The following PTGFR variants were observed in gnomAD, a reference collection of about 807,000 sequenced individuals.
PTGFR encodes the protein prostaglandin F receptor.
A neutral mutation model predicts 26.2 loss-of-function variants in PTGFR; 15 were observed. That is an observed-to-expected ratio of 0.57 (90% CI 0.38 to 0.88). The LOEUF (loss-of-function observed/expected upper bound fraction) is 0.88, where lower values mean the gene tolerates loss of function less well. Ranked by LOEUF, PTGFR falls within the 40% of genes least tolerant of loss-of-function variation. The pLI, the probability that PTGFR is intolerant of heterozygous loss-of-function variation, is 0.00. For missense variants in PTGFR, 369 were observed against 427.2 expected (o/e 0.86, Z 1.20); for synonymous variants, 165 against 151.1 (o/e 1.09, Z -0.68).
rs1275855575 is a variant in PTGFR at position 78,513,785 on chromosome 1, TAGG to T, written c.798+20249_798+20251del. Among the ~76,000 whole-genome samples, 7 of 150,766 alleles carry T rather than the reference TAGG, an allele frequency of 4.6e-5. No homozygotes were observed. In the East Asian group the frequency reaches 1.2e-3, roughly 26 times the overall value. ...CCCTCTCATCACAGGCCCAGAGACCTAGGAGGACCTCCACAGCCTTGCAATGCT... is the reference window on the plus strand; with the variant it reads ...CCCTCTCATCACAGGCCCAGAGACCTAGGACCTCCACAGCCTTGCAATGCT... On this transcript the variant is annotated intron_variant, in intron 2 of 2. Coordinates refer to ENST00000370757, the MANE Select transcript of PTGFR (RefSeq NM_000959.4).
rs1017217237 is a variant in PTGFR, at chr1:78,491,128, G to T, written c.-181G>T. 1.3e-5 allele frequency: 2 copies of T among 152,312 alleles called. No individual in the cohort carries two copies. Among genetic ancestry groups the T allele is most frequent in the Non-Finnish European group, 2.9e-5 (2 of 68,100 alleles). 9.4% of individuals were successfully genotyped at this position (152,312 alleles called of 1,614,324 possible). A position where few individuals can be genotyped will look rare whatever the true frequency, so the allele number is the denominator to read the frequency against. ...GCCGGCGCCCGATCAGGATCTCCGC[G>T]CTGGGATCGGTGGAACTTGAGGCAG... On this transcript the variant is annotated 5_prime_UTR_variant, in exon 1 of 3. Coordinates refer to ENST00000370757, the MANE Select transcript of PTGFR (RefSeq NM_000959.4).
At chr1:78,513,894 AG>A (rs1247234378) in intron 2 of PTGFR, among the ~76,000 whole-genome samples, 1 of 152,220 alleles carries the variant, frequency 6.6e-6, no homozygotes, top group East Asian at 1.9e-4. Context: ...CAAGTGTGTA[AG>A]CCTATGGCCT....
At chr1:78,495,439 T>G (rs1649523652) in intron 2 of PTGFR, among the ~76,000 whole-genome samples, 1 of 152,100 alleles carries the variant, frequency 6.6e-6, no homozygotes, top group South Asian at 2.1e-4. Context: ...AAAAAGTGAG[T>G]CTGAGTGAGT....
chr1:78,519,451 G>A (rs937677781), intron 2 of PTGFR, among the ~76,000 whole-genome samples: 3 of 151,986 alleles, frequency 2.0e-5, no homozygotes, highest in African/African-American at 7.3e-5. Flanking sequence ...CATAATATCT[G>A]GTAAGCATCC....
At position 78,512,213 on chromosome 1, in the gene PTGFR, T is replaced by C. The variant is rs139221990; in HGVS notation, c.798+18672T>C. 3.1e-4 allele frequency among the ~76,000 whole-genome samples: 47 copies of C among 152,360 alleles called. No individual in the cohort carries two copies. The East Asian group carries it at 8.1e-3, about 26-fold the overall frequency. On this transcript the variant is annotated intron_variant, in intron 2 of 2. Transcript: ENST00000370757. ...TCTGCCTGGTTCACAGTTCCAAAGCTGCTTCCACATCTTCAGGGATCTTTA... is the reference window on the plus strand; with the variant it reads ...TCTGCCTGGTTCACAGTTCCAAAGCCGCTTCCACATCTTCAGGGATCTTTA...
At chr1:78,496,917 A>G (rs902282748) in intron 2 of PTGFR, among the ~76,000 whole-genome samples, 2 of 131,822 alleles carry the variant, frequency 1.5e-5, no homozygotes, top group Non-Finnish European at 3.1e-5. Flanking sequence ...TATTATTAAT[A>G]TCTTGCTTTG....
In PTGFR at chr1:78,493,147, T is replaced by C. The variant is rs1333530727; in HGVS notation, c.404T>C (p.Ile135Thr). 1 of 1,614,222 alleles carries C rather than the reference T, an allele frequency of 6.2e-7. No individual in the cohort carries two copies. The highest frequency in any genetic ancestry group is 1.7e-5 in the Admixed American group (1 of 60,020). The change falls in exon 2 of 3, where the codon ATT becomes ACT. Residue 135 changes from isoleucine (I) to threonine (T), a missense_variant. Ile to Thr is a moderately conservative substitution (Grantham distance 89, BLOSUM62 -1). Coordinates refer to ENST00000370757, the MANE Select transcript of PTGFR (RefSeq NM_000959.4). Reference protein sequence around the residue: ...LGSVMAIERCIGVTKPIFHST... With the variant: ...LGSVMAIERCTGVTKPIFHST... ...AGTGTGATGGCCATTGAGCGGTGTA[T>C]TGGAGTCACAAAACCAATATTTCAT...
intron 2 of PTGFR, chr1:78,497,953 A>G: frequency 6.4e-7 from 1 of 1,564,988 alleles, no homozygotes; most frequent in South Asian, 1.1e-5. Context: ...AGGTGAGTTT[A>G]CCCAAGAAAT....
rs1650699699 is a variant in PTGFR, at chr1:78,537,976, A to G, written c.*1289A>G. ...AGGTAGTCCTGCTTTATAATAGGAA[A>G]ATGTATTTCTGTATAAGAGTTCTTT... On this transcript the variant is annotated 3_prime_UTR_variant, in exon 3 of 3. Transcript: ENST00000370757. 6.6e-6 allele frequency: 1 copy of G among 152,136 alleles called. No homozygotes were observed. Among genetic ancestry groups the G allele is most frequent in the Non-Finnish European group, 1.5e-5 (1 of 68,006 alleles). The allele number at this position is 152,136 out of a possible 1,614,324, so 9.4% of individuals were successfully genotyped here. A position where few individuals can be genotyped will look rare whatever the true frequency, so the allele number is the denominator to read the frequency against.
At position 78,537,966 on chromosome 1, in the gene PTGFR, A is replaced by C. The variant is rs1344249277; in HGVS notation, c.*1279A>C. 6.6e-6 allele frequency: 1 copy of C among 152,166 alleles called. No individual in the cohort carries two copies. Among genetic ancestry groups the C allele is most frequent in the African/African-American group, 2.4e-5 (1 of 41,442 alleles). 9.4% of individuals were successfully genotyped at this position (152,166 alleles called of 1,614,324 possible). On this transcript the variant is annotated 3_prime_UTR_variant, in exon 3 of 3. Coordinates refer to ENST00000370757, the MANE Select transcript of PTGFR (RefSeq NM_000959.4). ...AAATTAGGGAAGGTAGTCCTGCTTT[A>C]TAATAGGAAAATGTATTTCTGTATA...
At position 78,539,444 on chromosome 1, in the gene PTGFR, G is replaced by A. The variant is rs374689817; in HGVS notation, c.*2757G>A. 9 of 152,428 alleles carry A rather than the reference G, an allele frequency of 5.9e-5. No individual in the cohort carries two copies. Among genetic ancestry groups the A allele is most frequent in the African/African-American group, 2.2e-4 (9 of 41,408 alleles). The allele number at this position is 152,428 out of a possible 1,614,324, so 9.4% of individuals were successfully genotyped here. A position where few individuals can be genotyped will look rare whatever the true frequency, so the allele number is the denominator to read the frequency against. ...CAAATTAAATAACTGTTTTGGGTCA[G>A]AATATAAATGCTGGGAATATACATT... On this transcript the variant is annotated 3_prime_UTR_variant, in exon 3 of 3. Transcript: ENST00000370757.
chr1:78,511,230 T>C (rs956470898), intron 2 of PTGFR, among the ~76,000 whole-genome samples: 26 of 152,134 alleles, frequency 1.7e-4, no homozygotes, highest in African/African-American at 6.3e-4. Flanking sequence ...CCAAAACTTT[T>C]CCTCTGCACT....
chr1:78,524,249 A>G (rs1167484064), intron 2 of PTGFR, among the ~76,000 whole-genome samples: 2 of 152,052 alleles, frequency 1.3e-5, no homozygotes, highest in African/African-American at 2.4e-5. Context: ...GCACACACAT[A>G]GGGCTTGATG....
chr1:78,492,528 A>G (rs1034881681), intron 1 of PTGFR, 144 bp from the exon 2 acceptor site: 7 of 496,892 alleles, frequency 1.4e-5, no homozygotes, highest in South Asian at 4.3e-5. Flanking sequence ...GCAGGCAGAT[A>G]TGAGCTGCTT....
chr1:78,524,300 A>G (rs1225160346), intron 2 of PTGFR, among the ~76,000 whole-genome samples: 3 of 152,090 alleles, frequency 2.0e-5, no homozygotes, highest in Non-Finnish European at 2.9e-5. Context: ...AGAGTAATCC[A>G]TTTGGTATCA....
chr1:78,499,051 A>G (rs1649631838), intron 2 of PTGFR, among the ~76,000 whole-genome samples: 1 of 152,156 alleles, frequency 6.6e-6, no homozygotes, highest in South Asian at 2.1e-4. Context: ...GCTTTCTCAC[A>G]TTGGGGAAGG....
chr1:78,492,277 G>A (rs920294960), intron 1 of PTGFR, among the ~76,000 whole-genome samples: 4 of 152,230 alleles, frequency 2.6e-5, no homozygotes, highest in Non-Finnish European at 5.9e-5. Flanking sequence ...AGAGGAAAGA[G>A]AAGACACTTT....
chr1:78,516,246 G>C (rs1393436910), intron 2 of PTGFR, among the ~76,000 whole-genome samples: 2 of 152,128 alleles, frequency 1.3e-5, no homozygotes, highest in Non-Finnish European at 2.9e-5. Context: ...AAATATTTAT[G>C]ACTATGTATG....
At chr1:78,515,232 G>A (rs1189873212) in intron 2 of PTGFR, among the ~76,000 whole-genome samples, 2 of 152,080 alleles carry the variant, frequency 1.3e-5, no homozygotes, top group Non-Finnish European at 2.9e-5. Flanking sequence ...TCTTTGTGGT[G>A]GGTAGAGGAA....
Sources: gnomAD v4.1 joint callset for allele counts (sites outside exome capture counted in the v4.1 genomes callset) on GRCh38, gnomAD v4.1.1 for gene constraint, MANE v1.5 for transcripts, NCBI Gene and HGNC (gene_info 2026-07-23, HGNC 2026-07-21) for gene names.